Variants in GRID2 observed in about 807,000 individuals in gnomAD.
The protein encoded by GRID2 is glutamate receptor ionotropic, delta-2.
Under a neutral mutation model 114.8 loss-of-function variants are expected in GRID2, and 33 were observed. The ratio of observed to expected loss-of-function variants is 0.29; its 90% CI spans 0.22 to 0.38. The LOEUF is 0.38. Among genes scored for constraint, GRID2 ranks in the 10% least tolerant of loss-of-function variants. The pLI is 1.00. For synonymous variants in GRID2, 505 were observed against 449.9 expected (o/e 1.12, Z -1.55); for missense variants, 1,184 against 1,257.7 (o/e 0.94, Z 0.89).
chr4:93,577,288 A>G (rs1211907066), intron 13 of GRID2, among the ~76,000 whole-genome samples: 1 of 152,188 alleles, frequency 6.6e-6, no homozygotes, highest in Non-Finnish European at 1.5e-5. Flanking sequence ...GGGGGTGGGC[A>G]TCAGGGAGTT....
chr4:92,674,083 T>A (rs1419027465), intron 2 of GRID2, among the ~76,000 whole-genome samples: 4 of 152,222 alleles, frequency 2.6e-5, no homozygotes, highest in Admixed American at 1.3e-4. Flanking sequence ...TTTTTAGTAA[T>A]CTTATTGTGT....
intron 2 of GRID2, among the ~76,000 whole-genome samples, chr4:92,816,271 C>T (rs555436982): frequency 7.0e-6 from 1 of 142,068 alleles, no homozygotes; most frequent in Non-Finnish European, 1.5e-5. Flanking sequence ...GCTGAAATCG[C>T]ACCATTGCAC....
rs541563487 is a variant in GRID2 at position 93,213,709 on chromosome 4, G to A, written c.790-3029G>A. On this transcript the variant is annotated intron_variant, in intron 5 of 15. Transcript: ENST00000282020. The stretch of plus-strand genomic sequence containing the variant: ...CAACCTAAAGCTGATATACTACAAG[G>A]ATTCAGAAATGATTCAATTCTCCTA... Among the ~76,000 whole-genome samples the A allele has an allele frequency of 4.6e-5, 7 of 152,192 alleles. No homozygotes were observed. The South Asian group carries it at 6.2e-4, about 14-fold the overall frequency.
intron 1 of GRID2, among the ~76,000 whole-genome samples, chr4:92,451,692 T>C (rs74391472): frequency 0.031 from 4,767 of 152,326 alleles, 90 homozygotes; most frequent in East Asian, 0.066. Flanking sequence ...AGTTCATCTT[T>C]GGTTTCAGGC....
intron 1 of GRID2, among the ~76,000 whole-genome samples, chr4:92,561,698 A>G (rs1255473801): frequency 5.9e-5 from 9 of 152,178 alleles, no homozygotes; most frequent in Admixed American, 5.2e-4. Context: ...TACAACTTTT[A>G]GATTCATTAA....
chr4:93,318,215 C>G (rs1756886221), intron 8 of GRID2, among the ~76,000 whole-genome samples: 1 of 151,136 alleles, frequency 6.6e-6, no homozygotes, highest in Non-Finnish European at 1.5e-5. Context: ...GAATAATTAG[C>G]TTTCAGAGAA....
At chr4:93,116,601 C>A (rs1733284026) in intron 4 of GRID2, among the ~76,000 whole-genome samples, 1 of 152,090 alleles carries the variant, frequency 6.6e-6, no homozygotes, top group Non-Finnish European at 1.5e-5. Flanking sequence ...CTCCCAGAGA[C>A]CCCCTTTCCT....
chr4:92,385,997 C>G (rs1376333578), intron 1 of GRID2, among the ~76,000 whole-genome samples: 1 of 150,064 alleles, frequency 6.7e-6, no homozygotes. Context: ...TGTGAAATGT[C>G]GTCTCCTCAC....
chr4:92,590,663 A>G (rs1310318410), intron 2 of GRID2, among the ~76,000 whole-genome samples: 1 of 152,140 alleles, frequency 6.6e-6, no homozygotes, highest in African/African-American at 2.4e-5. Context: ...TTGGGATGAC[A>G]TATCAGGTGA....
intron 2 of GRID2, among the ~76,000 whole-genome samples, chr4:92,824,219 A>T (rs2149390784): frequency 6.6e-6 from 1 of 152,278 alleles, no homozygotes; most frequent in East Asian, 1.9e-4. Context: ...TATAAATAGA[A>T]TCCATAAAAT....
chr4:93,591,616 G>C (rs1187381342), intron 13 of GRID2, among the ~76,000 whole-genome samples: 1 of 151,838 alleles, frequency 6.6e-6, no homozygotes, highest in Non-Finnish European at 1.5e-5. Flanking sequence ...TATTGGAATA[G>C]TTTCAGAAGG....
chr4:92,780,459 T>A (rs1386031340), intron 2 of GRID2, among the ~76,000 whole-genome samples: 2 of 152,182 alleles, frequency 1.3e-5, no homozygotes, highest in Admixed American at 6.6e-5. Flanking sequence ...GTCTGATGTT[T>A]AGAAGTTTTA....
At chr4:92,576,974 AAT>A (rs1309376989) in intron 1 of GRID2, among the ~76,000 whole-genome samples, 1 of 152,126 alleles carries the variant, frequency 6.6e-6, no homozygotes, top group Non-Finnish European at 1.5e-5. Context: ...ATTACTTTCA[AAT>A]ATATGTCTGC....
intron 8 of GRID2, among the ~76,000 whole-genome samples, chr4:93,386,027 A>C (rs1281505100): frequency 6.6e-6 from 1 of 152,140 alleles, no homozygotes; most frequent in Non-Finnish European, 1.5e-5. Flanking sequence ...AGTTGAAGCA[A>C]AACAGAAGGG....
chr4:92,451,971 A>G (rs1007853617), intron 1 of GRID2, among the ~76,000 whole-genome samples: 1 of 152,176 alleles, frequency 6.6e-6, no homozygotes, highest in Admixed American at 6.5e-5. Flanking sequence ...ACTGTAAACC[A>G]TGTTTTTCTA....
intron 1 of GRID2, among the ~76,000 whole-genome samples, chr4:93,798,287 ACAGTCTTT>A (rs1436525694): frequency 6.6e-6 from 1 of 152,192 alleles, no homozygotes; most frequent in African/African-American, 2.4e-5. Context: ...GTGTAGGATC[ACAGTCTTT>A]CCAAATAATC....
intron 14 of GRID2, among the ~76,000 whole-genome samples, chr4:93,761,506 T>G (rs937391833): frequency 6.6e-6 from 1 of 152,178 alleles, no homozygotes; most frequent in Non-Finnish European, 1.5e-5. Context: ...GTAGTTGTGA[T>G]GGACACCATA....
Position 93,322,495 on chromosome 4 carries a change from C to G in GRID2, c.1246-73112C>G, listed in dbSNP as rs1410857390. ...AAGTCTTTGGTATTGTGAACAGTGC[C>G]GCAATAGACATACATGTGCATGTGT... On this transcript the variant is annotated intron_variant, in intron 8 of 15. Coordinates refer to ENST00000282020, the MANE Select transcript of GRID2 (RefSeq NM_001510.4). Among the ~76,000 whole-genome samples the G allele has an allele frequency of 2.0e-5, 3 of 151,958 alleles. No homozygotes were observed. In the East Asian group the frequency reaches 5.8e-4, roughly 29 times the overall value.
At chr4:93,618,468 C>T (rs2149678956) in intron 13 of GRID2, among the ~76,000 whole-genome samples, 1 of 152,252 alleles carries the variant, frequency 6.6e-6, no homozygotes, top group Non-Finnish European at 1.5e-5. Flanking sequence ...TTCCTGTGGG[C>T]CAGAACAAAC....
Sources: gnomAD v4.1 joint callset for allele counts (sites outside exome capture counted in the v4.1 genomes callset) on GRCh38, gnomAD v4.1.1 for gene constraint, MANE v1.5 for transcripts, NCBI Gene and HGNC (gene_info 2026-07-23, HGNC 2026-07-21) for gene names.